The following TMEM19 variants were observed in gnomAD, a reference collection of about 807,000 sequenced individuals.
TMEM19 encodes the protein transmembrane protein 19.
A neutral mutation model predicts 33.6 loss-of-function variants in TMEM19; 21 were observed. The observed-to-expected ratio is 0.62, with a 90% CI of 0.44 to 0.90. TMEM19 has a LOEUF of 0.90. Among genes scored for constraint, TMEM19 ranks in the 40% least tolerant of loss-of-function variants. The pLI, the probability that TMEM19 is intolerant of heterozygous loss-of-function variation, is 0.00. For missense variants in TMEM19, 402 were observed against 401.8 expected (o/e 1.00, Z 0.00); for synonymous variants, 149 against 147.5 (o/e 1.01, Z -0.07).
chr12:71,697,277 C>T lies in TMEM19; in HGVS notation c.383-3C>T, dbSNP rs1352145376. ...TTTGTCCTTTTCATCTGTTTGTTTC[C>T]AGGTGGGCAAAGGAATTGGGTTCAG... is the stretch of plus-strand genomic sequence containing the variant. On this transcript the variant is annotated splice_polypyrimidine_tract_variant and splice_region_variant and intron_variant, in intron 3 of 5. Transcript: ENST00000266673. The T allele has an allele frequency of 3.8e-6, 6 of 1,575,990 alleles. No homozygotes were observed. Among genetic ancestry groups the T allele is most frequent in the Non-Finnish European group, 5.1e-6 (6 of 1,166,852 alleles).
chr12:71,693,911 G>A (rs991050827), intron 2 of TMEM19, among the ~76,000 whole-genome samples: 6 of 152,156 alleles, frequency 3.9e-5, no homozygotes, highest in Admixed American at 1.3e-4. Context: ...ATGATTGTGA[G>A]GCCTCCCCAG....
intron 2 of TMEM19, among the ~76,000 whole-genome samples, chr12:71,691,511 G>A (rs1299149140): frequency 1.4e-5 from 2 of 140,128 alleles, no homozygotes; most frequent in Non-Finnish European, 3.0e-5. Flanking sequence ...GCTCACACCT[G>A]TAATCCCAGC....
rs538640828 is a variant in TMEM19 at position 71,689,785 on chromosome 12, A to G, written c.244+81A>G. The G allele has an allele frequency of 1.7e-3, 1,567 of 949,610 alleles. 6 individuals carry two copies. Among genetic ancestry groups the G allele is most frequent in the Non-Finnish European group, 2.3e-3 (1,418 of 620,298 alleles). The allele number at this position is 949,610 out of a possible 1,614,324, so 58.8% of individuals were successfully genotyped here. On this transcript the variant is annotated intron_variant, in intron 2 of 5. Coordinates refer to ENST00000266673, the MANE Select transcript of TMEM19 (RefSeq NM_018279.4). Reference sequence around the variant, plus strand: ...TAAATTTATGTTTTCTAAATTCTGAATATATGAGACTGACTACAAATCACA... The same window carrying G: ...TAAATTTATGTTTTCTAAATTCTGAGTATATGAGACTGACTACAAATCACA...
At chr12:71,693,195 A>C (rs377505740) in intron 2 of TMEM19, among the ~76,000 whole-genome samples, 107 of 149,486 alleles carry the variant, frequency 7.2e-4, no homozygotes, top group African/African-American at 2.1e-3. Context: ...ACCCTGTCCC[A>C]AAAAAAAAAT....
Position 71,700,994 on chromosome 12 carries a change from G to A in TMEM19, c.1010G>A (p.Ter337=). The A allele has an allele frequency of 6.2e-7, 1 of 1,604,716 alleles. No individual in the cohort carries two copies. The highest frequency in any genetic ancestry group is 1.1e-5 in the South Asian group (1 of 89,526). The part of the protein sequence containing the change: ...TAAWGFWPRG[*] ...GCTTGGGGTTTTTGGCCCAGGGGGT[G>A]AACTTTATTTCATTTCCACAGGTTG... is the stretch of plus-strand genomic sequence containing the variant. Residue 337 remains the stop codon, a stop_retained_variant, in exon 6 of 6, where the codon TGA becomes TAA. Transcript: ENST00000266673.
At position 71,703,951 on chromosome 12, in the gene TMEM19, A is replaced by C. The variant is rs1882029825; in HGVS notation, c.*2956A>C. On this transcript the variant is annotated 3_prime_UTR_variant, in exon 6 of 6. Coordinates refer to ENST00000266673, the MANE Select transcript of TMEM19 (RefSeq NM_018279.4). ...ATCTTTTGAATTGGATATTTAACTA[A>C]TTCAACATATTTTTCCTCTTTGCAG... The C allele has an allele frequency of 4.6e-6, 2 of 436,120 alleles. No individual in the cohort carries two copies. The highest frequency in any genetic ancestry group is 5.6e-4 in the Middle Eastern group (1 of 1,776). The allele number at this position is 436,120 out of a possible 1,614,324, so 27.0% of individuals were successfully genotyped here. A position where few individuals can be genotyped will look rare whatever the true frequency, so the allele number is the denominator to read the frequency against.
chr12:71,688,656 C>T (rs1881733318), intron 1 of TMEM19, among the ~76,000 whole-genome samples: 1 of 152,188 alleles, frequency 6.6e-6, no homozygotes, highest in South Asian at 2.1e-4. Flanking sequence ...AATGGGAAAG[C>T]CACGGCCTGT....
At chr12:71,692,334 A>C (rs972941754) in intron 2 of TMEM19, among the ~76,000 whole-genome samples, 8 of 152,216 alleles carry the variant, frequency 5.3e-5, no homozygotes, top group Non-Finnish European at 1.0e-4. Flanking sequence ...GCATTAATAG[A>C]GAAGTATATA....
chr12:71,698,409 A>G (rs1881913891), intron 4 of TMEM19, among the ~76,000 whole-genome samples: 1 of 152,232 alleles, frequency 6.6e-6, no homozygotes, highest in Admixed American at 6.5e-5. Context: ...AGCACAAAGA[A>G]GTTAGATAAA....
chr12:71,694,742 C>G (rs1288896844), intron 2 of TMEM19, among the ~76,000 whole-genome samples: 2 of 152,176 alleles, frequency 1.3e-5, no homozygotes, highest in Non-Finnish European at 2.9e-5. Context: ...GTTCTTTTGG[C>G]CTTCACTTTC....
At position 71,696,559 on chromosome 12, in the gene TMEM19, C is replaced by T. The variant is rs1420180246; in HGVS notation, c.368C>T (p.Ser123Leu). The T allele has an allele frequency of 6.2e-7, 1 of 1,604,872 alleles. No individual in the cohort carries two copies. Among genetic ancestry groups the T allele is most frequent in the South Asian group, 1.1e-5 (1 of 89,332 alleles). The change falls in exon 3 of 6, where the codon TCA becomes TTA. Residue 123 changes from serine (S) to leucine (L), a missense_variant. By Grantham distance (145) the Ser-to-Leu change is moderately radical. Coordinates refer to ENST00000266673, the MANE Select transcript of TMEM19 (RefSeq NM_018279.4). ...GGAGAAGTGAAGAAGCGTCTAGATT[C>T]AGAATATAAGGAAGGTAAAATTATG... ...WKGEVKKRLD[S>L]EYKEGGQRNW...
In TMEM19 at chr12:71,686,669, T is replaced by C; in HGVS notation, c.-12T>C. The C allele has an allele frequency of 6.2e-7, 1 of 1,610,312 alleles. No homozygotes were observed. The highest frequency in any genetic ancestry group is 8.5e-7 in the Non-Finnish European group (1 of 1,179,226). On this transcript the variant is annotated 5_prime_UTR_variant, in exon 1 of 6. Coordinates refer to ENST00000266673, the MANE Select transcript of TMEM19 (RefSeq NM_018279.4). Reference sequence around the variant, plus strand: ...ATATTCTTTCCCGCAGGAGCTCATATCCTTATTTTCCATGACAGATCTTAA... The same window carrying C: ...ATATTCTTTCCCGCAGGAGCTCATACCCTTATTTTCCATGACAGATCTTAA...
chr12:71,696,222 C>A lies in TMEM19; in HGVS notation c.245-214C>A, dbSNP rs946208967. Among the ~76,000 whole-genome samples the A allele has an allele frequency of 2.0e-5, 3 of 152,138 alleles. No individual in the cohort carries two copies. The South Asian group carries it at 6.2e-4, about 32-fold the overall frequency. On this transcript the variant is annotated intron_variant, in intron 2 of 5. Coordinates refer to ENST00000266673, the MANE Select transcript of TMEM19 (RefSeq NM_018279.4). ...AAAATATTATCTTACATTCATATGG[C>A]ATTGCTTGAAAGGAGATTAAAATAT...
Position 71,697,433 on chromosome 12 carries a change from C to T in TMEM19, c.536C>T (p.Ala179Val). The change falls in exon 4 of 6, where the codon GCA becomes GTA. Residue 179 changes from alanine (A) to valine (V), a missense_variant. Coordinates refer to ENST00000266673, the MANE Select transcript of TMEM19 (RefSeq NM_018279.4). The part of the protein sequence containing the change: ...ASWMCLSLLA[A>V]LACSAGDTWA... ...TGGATGTGTTTGTCTCTCTTGGCTG[C>T]ACTGGCCTGCTCTGCTGGAGACACA... 1 of 1,611,196 alleles carries T rather than the reference C, an allele frequency of 6.2e-7. No homozygotes were observed. Among genetic ancestry groups the T allele is most frequent in the Non-Finnish European group, 8.5e-7 (1 of 1,178,996 alleles).
At chr12:71,692,750 A>G (rs1356413243) in intron 2 of TMEM19, among the ~76,000 whole-genome samples, 2 of 152,194 alleles carry the variant, frequency 1.3e-5, no homozygotes, top group African/African-American at 4.8e-5. Context: ...GACAAAGAGT[A>G]TCTTATGCTT....
intron 2 of TMEM19, among the ~76,000 whole-genome samples, chr12:71,690,881 A>T (rs10879313): frequency 0.1 from 15,432 of 152,260 alleles, 1,229 homozygotes; most frequent in East Asian, 0.44. Flanking sequence ...CGATAGGAAA[A>T]GAAGTGAGAG....
In TMEM19 at chr12:71,698,906, A is replaced by G. The variant is rs549228941; in HGVS notation, c.644A>G (p.Asn215Ser). 6.2e-7 allele frequency: 1 copy of G among 1,613,986 alleles called. No individual in the cohort carries two copies. Among genetic ancestry groups the G allele is most frequent in the South Asian group, 1.1e-5 (1 of 91,080 alleles). The change falls in exon 5 of 6, where the codon AAT becomes AGT. Residue 215 changes from asparagine to serine, a missense_variant. Physicochemically the swap from Asn to Ser is conservative, Grantham distance 46. Transcript: ENST00000266673. ...CTGCATGTTTCTTCTTCAGGTACCAATGGAGGAGTTACAGTGGTGGGCCTT... is the reference window on the plus strand; with the variant it reads ...CTGCATGTTTCTTCTTCAGGTACCAGTGGAGGAGTTACAGTGGTGGGCCTT... ...TTWEKVPVGTNGGVTVVGLVS... is the reference protein window; with the variant it reads ...TTWEKVPVGTSGGVTVVGLVS...
intron 4 of TMEM19, among the ~76,000 whole-genome samples, chr12:71,698,008 T>G (rs898646543): frequency 6.6e-6 from 1 of 152,226 alleles, no homozygotes; most frequent in Non-Finnish European, 1.5e-5. Context: ...CATTGGAACA[T>G]TTCAGATTTA....
At chr12:71,686,954 C>A in intron 1 of TMEM19, 144 bp downstream of exon 1, 1 of 714,494 alleles carries the variant, frequency 1.4e-6, no homozygotes, top group Non-Finnish European at 2.1e-6. Context: ...ATTTAACTTA[C>A]TAACATGATA....
Sources: gnomAD v4.1 joint callset for allele counts (sites outside exome capture counted in the v4.1 genomes callset) on GRCh38, gnomAD v4.1.1 for gene constraint, MANE v1.5 for transcripts, NCBI Gene and HGNC (gene_info 2026-07-23, HGNC 2026-07-21) for gene names.